The following SH3GL2 variants were observed in gnomAD, a reference collection of about 807,000 sequenced individuals.
SH3GL2 encodes the protein SH3 domain containing GRB2 like 2, endophilin A1, also known as endophilin-A1.
Under a neutral mutation model 46.0 loss-of-function variants are expected in SH3GL2, and 24 were observed. The ratio of observed to expected loss-of-function variants is 0.52; its 90% CI spans 0.38 to 0.73. SH3GL2 has a LOEUF of 0.73. Ranked by LOEUF, SH3GL2 falls within the 30% of genes least tolerant of loss-of-function variation. The pLI, the probability that SH3GL2 is intolerant of heterozygous loss-of-function variation, is 0.00. For missense variants in SH3GL2, 413 were observed against 424.2 expected (o/e 0.97, Z 0.23); for synonymous variants, 196 against 147.1 (o/e 1.33, Z -2.40).
intron 2 of SH3GL2, among the ~76,000 whole-genome samples, chr9:17,757,705 A>G (rs1048088585): frequency 6.6e-6 from 1 of 152,236 alleles, no homozygotes; most frequent in Non-Finnish European, 1.5e-5. Flanking sequence ...TTCAAAGTTA[A>G]ACTGTACTGT....
intron 3 of SH3GL2, among the ~76,000 whole-genome samples, chr9:17,767,234 G>A (rs549428927): frequency 6.6e-6 from 1 of 152,036 alleles, no homozygotes; most frequent in South Asian, 2.1e-4. Flanking sequence ...CTGAGATTTG[G>A]GTATCAAATT....
chr9:17,636,849 C>CT (rs1255574108), intron 1 of SH3GL2, among the ~76,000 whole-genome samples: 1 of 152,128 alleles, frequency 6.6e-6, no homozygotes, highest in Non-Finnish European at 1.5e-5. Context: ...ATTGCCTGCC[C>CT]TGTGTTTCCT....
intron 1 of SH3GL2, among the ~76,000 whole-genome samples, chr9:17,646,947 C>T (rs550866306): frequency 2.6e-5 from 4 of 152,242 alleles, no homozygotes; most frequent in Non-Finnish European, 4.4e-5. Context: ...CAGGCAGAGA[C>T]GTTTAAAACT....
intron 2 of SH3GL2, among the ~76,000 whole-genome samples, chr9:17,754,619 G>T (rs1467787160): frequency 6.6e-6 from 1 of 152,132 alleles, no homozygotes; most frequent in Non-Finnish European, 1.5e-5. Flanking sequence ...CTTGCAGTGA[G>T]CCGAGATCAC....
At chr9:17,618,467 C>T (rs954805536) in intron 1 of SH3GL2, among the ~76,000 whole-genome samples, 2 of 152,194 alleles carry the variant, frequency 1.3e-5, no homozygotes, top group Non-Finnish European at 2.9e-5. Context: ...ATAGTAAACT[C>T]ATGACCCCTT....
chr9:17,779,899 C>T (rs966103361), intron 3 of SH3GL2, among the ~76,000 whole-genome samples: 1 of 152,158 alleles, frequency 6.6e-6, no homozygotes, highest in Non-Finnish European at 1.5e-5. Context: ...CTAAAATCTT[C>T]TCTTTGTCCT....
chr9:17,749,161 G>C (rs528533789), intron 2 of SH3GL2, among the ~76,000 whole-genome samples: 10 of 152,186 alleles, frequency 6.6e-5, no homozygotes, highest in African/African-American at 9.7e-5. Flanking sequence ...AGTCTGCATT[G>C]GTTCCTATTT....
At chr9:17,789,866 A>C (rs2131190596) in intron 6 of SH3GL2, 1 of 671,918 alleles carries the variant, frequency 1.5e-6, no homozygotes, top group African/African-American at 2.0e-5. Context: ...AAAAGTAAAA[A>C]ACAGAATGGT....
intron 1 of SH3GL2, among the ~76,000 whole-genome samples, chr9:17,596,590 A>AG (rs1818575757): frequency 6.6e-6 from 1 of 152,222 alleles, no homozygotes; most frequent in Admixed American, 6.5e-5. Flanking sequence ...TAGCAAAAAA[A>AG]GAATGAAGTG....
intron 1 of SH3GL2, among the ~76,000 whole-genome samples, chr9:17,676,888 T>C (rs891057415): frequency 2.6e-5 from 4 of 152,200 alleles, no homozygotes; most frequent in Admixed American, 2.6e-4. Context: ...TTTTCTCTTC[T>C]CCATAATACT....
At chr9:17,716,288 G>A (rs1001432228) in intron 1 of SH3GL2, among the ~76,000 whole-genome samples, 1 of 152,010 alleles carries the variant, frequency 6.6e-6, no homozygotes, top group Non-Finnish European at 1.5e-5. Context: ...TGACTTAGGG[G>A]GCTGGATGTT....
At position 17,645,190 on chromosome 9, in the gene SH3GL2, A is replaced by AT. The variant is rs1329486897; in HGVS notation, c.45+65905dup. On this transcript the variant is annotated intron_variant, in intron 1 of 8. Transcript: ENST00000380607. ...TTTTTTTTTTTTTTTTTTGCTTTCC[A>AT]TTGCTTGGTAAATCTTCCTCCATCC... Among the ~76,000 whole-genome samples, 22 of 46,486 alleles carry AT rather than the reference A, an allele frequency of 4.7e-4. No homozygotes were observed. In the Admixed American group the frequency reaches 6.5e-3, roughly 14 times the overall value. The allele number at this position is 46,486 out of a possible 152,430, so 30.5% of individuals were successfully genotyped here. A position where few individuals can be genotyped will look rare whatever the true frequency, so the allele number is the denominator to read the frequency against.
chr9:17,682,158 C>G (rs1236152407), intron 1 of SH3GL2, among the ~76,000 whole-genome samples: 2 of 152,120 alleles, frequency 1.3e-5, no homozygotes, highest in African/African-American at 2.4e-5. Context: ...GTGGCGATTC[C>G]TCAAGGATCT....
chr9:17,611,743 A>T (rs770205325), intron 1 of SH3GL2, among the ~76,000 whole-genome samples: 12 of 151,976 alleles, frequency 7.9e-5, no homozygotes, highest in Admixed American at 2.0e-4. Flanking sequence ...CCCTTGCTAC[A>T]CCCCGTCAGG....
chr9:17,667,131 A>G (rs73645123), intron 1 of SH3GL2, among the ~76,000 whole-genome samples: 3,921 of 152,218 alleles, frequency 0.026, 72 homozygotes, highest in African/African-American at 0.035. Context: ...ATATATTTTT[A>G]GTGTTATTGG....
intron 1 of SH3GL2, among the ~76,000 whole-genome samples, chr9:17,738,423 A>G (rs1563833554): frequency 7.0e-6 from 1 of 142,142 alleles, no homozygotes; most frequent in Non-Finnish European, 1.6e-5. Flanking sequence ...TGTAGCAGTT[A>G]GGGTTCTCCA....
At chr9:17,782,699 A>G (rs1364569102) in intron 3 of SH3GL2, among the ~76,000 whole-genome samples, 1 of 152,130 alleles carries the variant, frequency 6.6e-6, no homozygotes, top group Non-Finnish European at 1.5e-5. Flanking sequence ...CGGTCATGGT[A>G]CTTCTGAACA....
intron 2 of SH3GL2, among the ~76,000 whole-genome samples, chr9:17,753,711 G>A (rs1420413483): frequency 2.0e-5 from 3 of 152,106 alleles, no homozygotes; most frequent in African/African-American, 7.2e-5. Context: ...CGCCTTGGTT[G>A]CAATTGCTTT....
chr9:17,723,154 T>C (rs1286717352), intron 1 of SH3GL2, among the ~76,000 whole-genome samples: 1 of 151,936 alleles, frequency 6.6e-6, no homozygotes, highest in African/African-American at 2.4e-5. Flanking sequence ...TTTTATTTGC[T>C]TCATATTTGT....
Sources: gnomAD v4.1 joint callset for allele counts (sites outside exome capture counted in the v4.1 genomes callset) on GRCh38, gnomAD v4.1.1 for gene constraint, MANE v1.5 for transcripts, NCBI Gene and HGNC (gene_info 2026-07-23, HGNC 2026-07-21) for gene names.